PAFAH1B2: variants seen among roughly 807,000 people sequenced by gnomAD.
The protein encoded by PAFAH1B2 is platelet-activating factor acetylhydrolase IB subunit alpha2.
PAFAH1B2 carries 8 observed loss-of-function variants against 28.0 expected under a neutral mutation model. That is an observed-to-expected ratio of 0.29 (90% confidence interval 0.17 to 0.52). The LOEUF is 0.52. PAFAH1B2 is among the 20% of genes least tolerant of loss of function. The pLI is 0.97. For missense variants in PAFAH1B2, 190 were observed against 282.6 expected (o/e 0.67, Z 2.35); for synonymous variants, 104 against 103.2 (o/e 1.01, Z -0.05).
At position 117,169,038 on chromosome 11, in the gene PAFAH1B2, G is replaced by A. The variant is rs1161476824; in HGVS notation, c.*1339G>A. ...ACTCCTGACCTCAGGTGATCTGCCCGCCTTGGCCTCCCAAAGTGCTGGGAT... is the reference window on the plus strand; with the variant it reads ...ACTCCTGACCTCAGGTGATCTGCCCACCTTGGCCTCCCAAAGTGCTGGGAT... On this transcript the variant is annotated 3_prime_UTR_variant, in exon 6 of 6. Transcript: ENST00000527958. 16 of 711,576 alleles carry A rather than the reference G, an allele frequency of 2.2e-5. No individual in the cohort carries two copies. In the East Asian group the frequency reaches 3.0e-4, roughly 13 times the overall value. The allele number at this position is 711,576 out of a possible 1,614,324, so 44.1% of individuals were successfully genotyped here.
At chr11:117,155,608 T>G (rs1956240114) in intron 2 of PAFAH1B2, among the ~76,000 whole-genome samples, 1 of 152,198 alleles carries the variant, frequency 6.6e-6, no homozygotes, top group Admixed American at 6.5e-5. Flanking sequence ...CATATAGCCC[T>G]TTTGTTGAGA....
At chr11:117,175,034 GCTC>G (rs989992499), downstream of PAFAH1B2, 69 of 1,376,408 alleles carry the variant, frequency 5.0e-5, no homozygotes, top group African/African-American at 7.5e-4. Context: ...GGTCCAGCAA[GCTC>G]CTCAGCTGTG....
intron 2 of PAFAH1B2, among the ~76,000 whole-genome samples, chr11:117,153,616 C>T (rs1219322158): frequency 6.6e-6 from 1 of 152,178 alleles, no homozygotes; most frequent in East Asian, 1.9e-4. Context: ...GTTTCAAACT[C>T]CTGACCTCAA....
At chr11:117,166,060 C>T (rs548842015) in intron 5 of PAFAH1B2, among the ~76,000 whole-genome samples, 11 of 152,162 alleles carry the variant, frequency 7.2e-5, no homozygotes, top group African/African-American at 2.2e-4. Context: ...AGGCTGGTCT[C>T]GAACTCCTGA....
At chr11:117,144,579 C>T (rs892233783) in intron 1 of PAFAH1B2, among the ~76,000 whole-genome samples, 161 bp downstream of exon 1, 27 of 152,094 alleles carry the variant, frequency 1.8e-4, no homozygotes, top group Middle Eastern at 3.4e-3. Context: ...CGCGAGCGCG[C>T]GCCTTCTCTG....
chr11:117,148,777 A>C (rs1376419031), intron 1 of PAFAH1B2, among the ~76,000 whole-genome samples: 1 of 152,178 alleles, frequency 6.6e-6, no homozygotes, highest in Non-Finnish European at 1.5e-5. Flanking sequence ...AAGAGATCGT[A>C]TAATTTATAT....
At chr11:117,160,137 A>C in intron 3 of PAFAH1B2, 114 bp downstream of exon 3, 1 of 780,132 alleles carries the variant, frequency 1.3e-6, no homozygotes. Context: ...GAGAAGCCCT[A>C]ATTGAGGTTA....
chr11:117,151,890 G>A (rs1177402742), intron 1 of PAFAH1B2, among the ~76,000 whole-genome samples: 1 of 151,956 alleles, frequency 6.6e-6, no homozygotes, highest in African/African-American at 2.4e-5. Context: ...TGTATTTTTA[G>A]TAGAGGCAGG....
At chr11:117,173,874 G>A (rs544516942), downstream of PAFAH1B2, among the ~76,000 whole-genome samples, 8 of 152,334 alleles carry the variant, frequency 5.3e-5, no homozygotes, top group East Asian at 1.5e-3. Context: ...AGCTGCTTAT[G>A]TCTGGGACAA....
rs193148674 is a variant in PAFAH1B2, at chr11:117,170,515, A to T, written c.*2816A>T. On this transcript the variant is annotated 3_prime_UTR_variant, in exon 6 of 6. Transcript: ENST00000527958. ...GCGCTCTGGCTACCACCGTGAGGCT[A>T]CTTGAACTGTCAGGGGCATCTGCCT... is the stretch of plus-strand genomic sequence containing the variant. 205 of 1,058,774 alleles carry T rather than the reference A, an allele frequency of 1.9e-4. No homozygotes were observed. The African/African-American group carries it at 3.3e-3, about 17-fold the overall frequency. 65.6% of individuals were successfully genotyped at this position (1,058,774 alleles called of 1,614,324 possible). A position where few individuals can be genotyped will look rare whatever the true frequency, so the allele number is the denominator to read the frequency against.
chr11:117,149,103 G>A lies in PAFAH1B2; in HGVS notation c.-7-3338G>A, dbSNP rs376391537. On this transcript the variant is annotated intron_variant, in intron 1 of 5. Coordinates refer to ENST00000527958, the MANE Select transcript of PAFAH1B2 (RefSeq NM_002572.4). ...TCGCCTTTTTGGTCAGGCTGGTCTTGAACTTCTGACCTCAGGTAATCTACC... is the reference window on the plus strand; with the variant it reads ...TCGCCTTTTTGGTCAGGCTGGTCTTAAACTTCTGACCTCAGGTAATCTACC... Among the ~76,000 whole-genome samples the A allele has an allele frequency of 1.1e-4, 15 of 135,216 alleles. No individual in the cohort carries two copies. In the South Asian group the frequency reaches 1.7e-3, roughly 15 times the overall value. 88.7% of individuals were successfully genotyped at this position (135,216 alleles called of 152,430 possible). A position where few individuals can be genotyped will look rare whatever the true frequency, so the allele number is the denominator to read the frequency against.
rs1956557562 is a variant in PAFAH1B2, at chr11:117,168,298, A to C, written c.*599A>C. On this transcript the variant is annotated 3_prime_UTR_variant, in exon 6 of 6. Coordinates refer to ENST00000527958, the MANE Select transcript of PAFAH1B2 (RefSeq NM_002572.4). ...ATCTTTTCCATGCTTAGCAGTGAAAAACAGGTTTTGCCCCAGTAGAGGGAT... is the reference window on the plus strand; with the variant it reads ...ATCTTTTCCATGCTTAGCAGTGAAACACAGGTTTTGCCCCAGTAGAGGGAT... 9.4e-7 allele frequency: 1 copy of C among 1,063,906 alleles called. No homozygotes were observed. The highest frequency in any genetic ancestry group is 1.1e-6 in the Non-Finnish European group (1 of 878,554). The allele number at this position is 1,063,906 out of a possible 1,614,324, so 65.9% of individuals were successfully genotyped here.
chr11:117,169,868 T>C lies in PAFAH1B2; in HGVS notation c.*2169T>C, dbSNP rs1956608904. 9.5e-7 allele frequency: 1 copy of C among 1,054,888 alleles called. No individual in the cohort carries two copies. Among genetic ancestry groups the C allele is most frequent in the Non-Finnish European group, 1.1e-6 (1 of 872,882 alleles). 65.3% of individuals were successfully genotyped at this position (1,054,888 alleles called of 1,614,324 possible). Reference sequence around the variant, plus strand: ...AAGGTGGGAGTATGGTCCAAATAAATCCATTAGGTTACTCCTGCAGCATGC... The same window carrying C: ...AAGGTGGGAGTATGGTCCAAATAAACCCATTAGGTTACTCCTGCAGCATGC... On this transcript the variant is annotated 3_prime_UTR_variant, in exon 6 of 6. Transcript: ENST00000527958.
chr11:117,172,278 G>A (rs1311263449), downstream of PAFAH1B2, among the ~76,000 whole-genome samples: 1 of 149,352 alleles, frequency 6.7e-6, no homozygotes, highest in East Asian at 2.0e-4. Flanking sequence ...TCAATGTTTT[G>A]CTAAACATAT....
chr11:117,145,869 G>A (rs1955992092), intron 1 of PAFAH1B2, among the ~76,000 whole-genome samples: 1 of 152,156 alleles, frequency 6.6e-6, no homozygotes, highest in Non-Finnish European at 1.5e-5. Flanking sequence ...GTTGTTGGAC[G>A]TGGTTTCTCA....
At chr11:117,176,064 C>T (rs370887884) in exon 6 of PAFAH1B2, 25 of 786,886 alleles carry the variant, frequency 3.2e-5, no homozygotes, top group Admixed American at 8.2e-5. Context: ...GATTCATATT[C>T]GCCTAGATGT....
chr11:117,169,423 T>C lies in PAFAH1B2; in HGVS notation c.*1724T>C, dbSNP rs541543035. 9.5e-7 allele frequency: 1 copy of C among 1,052,966 alleles called. No individual in the cohort carries two copies. The highest frequency in any genetic ancestry group is 5.4e-5 in the East Asian group (1 of 18,534). 65.2% of individuals were successfully genotyped at this position (1,052,966 alleles called of 1,614,324 possible). On this transcript the variant is annotated 3_prime_UTR_variant, in exon 6 of 6. Transcript: ENST00000527958. ...TAACCCATCAAAATATGCTCTGCAG[T>C]GATTCCGCTTAATGTTTAAATTCAG...
downstream of PAFAH1B2, among the ~76,000 whole-genome samples, chr11:117,172,804 T>C (rs917320367): frequency 2.6e-5 from 4 of 152,156 alleles, no homozygotes; most frequent in Non-Finnish European, 5.9e-5. Context: ...CCTGGATTCA[T>C]GTAGTTCATG....
chr11:117,163,439 A>G (rs1380879268), intron 4 of PAFAH1B2, among the ~76,000 whole-genome samples: 1 of 152,122 alleles, frequency 6.6e-6, no homozygotes, highest in Non-Finnish European at 1.5e-5. Flanking sequence ...TGGGATGCCA[A>G]GGTGGGTGGA....
Sources: allele counts gnomAD v4.1 joint callset (sites outside exome capture counted in the v4.1 genomes callset), GRCh38; gene constraint gnomAD v4.1.1; transcripts MANE v1.5; gene names NCBI Gene and HGNC (gene_info 2026-07-23, HGNC 2026-07-21).